The following XYLT1 variants were observed in gnomAD, a reference collection of about 807,000 sequenced individuals.
XYLT1 encodes the protein beta-D-xylosyltransferase 1.
XYLT1 carries 36 observed loss-of-function variants against 91.3 expected under a neutral mutation model. That is an observed-to-expected ratio of 0.39 (90% CI 0.30 to 0.52). XYLT1 has a LOEUF of 0.52. Among genes scored for constraint, XYLT1 ranks in the 20% least tolerant of loss-of-function variants. The probability of loss-of-function intolerance (pLI) is 0.68; values close to 1 mark genes in which losing one functional copy is unlikely to be tolerated. For synonymous variants in XYLT1, 588 were observed against 532.0 expected (o/e 1.11, Z -1.45); for missense variants, 1,242 against 1,284.5 (o/e 0.97, Z 0.51).
At chr16:17,426,369 G>T (rs1020785755) in intron 1 of XYLT1, among the ~76,000 whole-genome samples, 2 of 152,096 alleles carry the variant, frequency 1.3e-5, no homozygotes, top group Non-Finnish European at 2.9e-5. Context: ...AGACCAGCCT[G>T]GCCAACATGG....
chr16:17,241,106 T>C (rs1273610010), intron 3 of XYLT1, among the ~76,000 whole-genome samples: 1 of 152,236 alleles, frequency 6.6e-6, no homozygotes, highest in African/African-American at 2.4e-5. Context: ...GTCTGGAGGC[T>C]GAGCTCCGCT....
intron 1 of XYLT1, among the ~76,000 whole-genome samples, chr16:17,431,887 T>A (rs570826112): frequency 1.3e-5 from 2 of 152,340 alleles, no homozygotes; most frequent in East Asian, 3.9e-4. Flanking sequence ...GAAGCAGCCA[T>A]GGCTGCGGAT....
At chr16:17,464,844 A>C (rs948168869) in intron 1 of XYLT1, among the ~76,000 whole-genome samples, 11 of 152,038 alleles carry the variant, frequency 7.2e-5, no homozygotes, top group African/African-American at 7.2e-5. Flanking sequence ...GAAGTGAGAA[A>C]AGTAGAATAA....
At chr16:17,197,967 C>T (rs534558889) in intron 5 of XYLT1, 29 of 563,050 alleles carry the variant, frequency 5.2e-5, no homozygotes, top group Admixed American at 1.3e-4. Flanking sequence ...TTGGAGTTTC[C>T]GTCTGTTTAG....
intron 1 of XYLT1, among the ~76,000 whole-genome samples, chr16:17,461,914 A>T (rs2036829084): frequency 6.6e-6 from 1 of 152,346 alleles, no homozygotes; most frequent in Non-Finnish European, 1.5e-5. Context: ...GCCAGATGTT[A>T]TAAGAATTCA....
At chr16:17,127,622 G>T (rs2030305674) in intron 10 of XYLT1, 44 bp downstream of exon 10, 1 of 1,583,870 alleles carries the variant, frequency 6.3e-7, no homozygotes, top group East Asian at 2.2e-5. Flanking sequence ...CTGGCCGAGG[G>T]AAATGCAAAA....
intron 10 of XYLT1, among the ~76,000 whole-genome samples, chr16:17,126,806 C>A (rs149204775): frequency 3.3e-5 from 5 of 152,278 alleles, no homozygotes; most frequent in East Asian, 1.9e-4. Context: ...TCCTGCACCA[C>A]GACCCAAGTA....
intron 2 of XYLT1, among the ~76,000 whole-genome samples, chr16:17,334,501 AATG>A (rs1191462867): frequency 2.0e-5 from 3 of 150,948 alleles, no homozygotes; most frequent in Non-Finnish European, 4.4e-5. Flanking sequence ...CTTCCACCTA[AATG>A]ATGAATTCAC....
chr16:17,328,964 T>C (rs2034856168), intron 2 of XYLT1, among the ~76,000 whole-genome samples: 1 of 152,254 alleles, frequency 6.6e-6, no homozygotes, highest in Non-Finnish European at 1.5e-5. Context: ...TCACATTTTG[T>C]AGCATTTCTA....
At chr16:17,257,046 C>T (rs1037263247) in intron 3 of XYLT1, among the ~76,000 whole-genome samples, 4 of 152,222 alleles carry the variant, frequency 2.6e-5, no homozygotes, top group African/African-American at 7.2e-5. Flanking sequence ...TGCTGGCCTC[C>T]GTGCTCATTT....
intron 1 of XYLT1, among the ~76,000 whole-genome samples, chr16:17,418,892 A>G (rs1303689169): frequency 2.6e-5 from 4 of 151,808 alleles, no homozygotes; most frequent in African/African-American, 9.7e-5. Flanking sequence ...ATGTCATTAC[A>G]CTCATTGACA....
In XYLT1 at chr16:17,459,012, A is replaced by G. The variant is rs373951444; in HGVS notation, c.363+11422T>C. On this transcript the variant is annotated intron_variant, in intron 1 of 11. Transcript: ENST00000261381. ...TTTGTGAGAATTCATCAAGTTGTATATTTAGAGTAATGTTTGTATCATATG... is the reference window on the plus strand; with the variant it reads ...TTTGTGAGAATTCATCAAGTTGTATGTTTAGAGTAATGTTTGTATCATATG... Among the ~76,000 whole-genome samples the G allele has an allele frequency of 1.5e-4, 23 of 152,252 alleles. No individual in the cohort carries two copies. In the East Asian group the frequency reaches 4.2e-3, roughly 28 times the overall value.
intron 3 of XYLT1, among the ~76,000 whole-genome samples, chr16:17,219,978 C>T (rs1189781079): frequency 6.6e-6 from 1 of 152,116 alleles, no homozygotes; most frequent in African/African-American, 2.4e-5. Flanking sequence ...TCTGAATGAA[C>T]TGACAGAGGA....
In XYLT1 at chr16:17,108,536, C is replaced by CT; in HGVS notation, c.*158dup. ...AAAGGCAGGTTGTTGGCTGATCCTG[C>CT]TTTGACCTGCTGACCTTCCCTTTCC... On this transcript the variant is annotated 3_prime_UTR_variant, in exon 12 of 12. Transcript: ENST00000261381. 1 of 746,260 alleles carries CT rather than the reference C, an allele frequency of 1.3e-6. No individual in the cohort carries two copies. The highest frequency in any genetic ancestry group is 2.4e-5 in the South Asian group (1 of 41,858). 46.2% of individuals were successfully genotyped at this position (746,260 alleles called of 1,614,324 possible). A position where few individuals can be genotyped will look rare whatever the true frequency, so the allele number is the denominator to read the frequency against.
rs1469094592 is a variant in XYLT1, at chr16:17,312,119, A to G, written c.402+45893T>C. Reference sequence around the variant, plus strand: ...GTCAAGGTGTGAGCTGGAGGATGAAAAAGAGCTTGCCGACAGACAAGAGGA... The same window carrying G: ...GTCAAGGTGTGAGCTGGAGGATGAAGAAGAGCTTGCCGACAGACAAGAGGA... On this transcript the variant is annotated intron_variant, in intron 2 of 11. Coordinates refer to ENST00000261381, the MANE Select transcript of XYLT1 (RefSeq NM_022166.4). This position sits in a 1 kb window ranked among gnomAD's most constrained non-coding sequence, Gnocchi z 4.4. Among the ~76,000 whole-genome samples, 1 of 152,144 alleles carries G rather than the reference A, an allele frequency of 6.6e-6. No individual in the cohort carries two copies. Among genetic ancestry groups the G allele is most frequent in the East Asian group, 1.9e-4 (1 of 5,184 alleles).
intron 1 of XYLT1, among the ~76,000 whole-genome samples, chr16:17,379,793 A>ACACACC (rs71373108): frequency 0.016 from 2,195 of 141,312 alleles, 30 homozygotes; most frequent in Non-Finnish European, 0.025. Context: ...ACACACACAC[A>ACACACC]CCCCTTACCT....
At chr16:17,311,910 C>T (rs2034557065) in intron 2 of XYLT1, among the ~76,000 whole-genome samples, 1 of 151,676 alleles carries the variant, frequency 6.6e-6, no homozygotes, top group Non-Finnish European at 1.5e-5. Context: ...GACTTATTCA[C>T]TACAATGAGA....
intron 1 of XYLT1, among the ~76,000 whole-genome samples, chr16:17,453,618 C>A (rs1250623336): frequency 6.6e-6 from 1 of 152,194 alleles, no homozygotes; most frequent in African/African-American, 2.4e-5. Flanking sequence ...CCATGTACAG[C>A]ATATGCAGTC....
chr16:17,207,436 G>A (rs1177264426), intron 3 of XYLT1, among the ~76,000 whole-genome samples: 1 of 152,176 alleles, frequency 6.6e-6, no homozygotes, highest in Admixed American at 6.5e-5. Context: ...TAGGATGCCA[G>A]CCTTGCCCCT....
Sources: gnomAD v4.1 joint callset for allele counts (sites outside exome capture counted in the v4.1 genomes callset) on GRCh38, gnomAD v4.1.1 for gene constraint, Gnocchi (gnomAD v3.1) non-coding constraint, MANE v1.5 for transcripts, NCBI Gene and HGNC (gene_info 2026-07-23, HGNC 2026-07-21) for gene names.